Variants in RNGTT observed in about 807,000 individuals in gnomAD.
The protein encoded by RNGTT is mRNA-capping enzyme.
Under a neutral mutation model 79.3 loss-of-function variants are expected in RNGTT, and 33 were observed. The observed-to-expected ratio is 0.42, with a 90% CI of 0.32 to 0.56. The LOEUF (loss-of-function observed/expected upper bound fraction) is 0.56, where lower values mean the gene tolerates loss of function less well. Ranked by LOEUF, RNGTT falls within the 20% of genes least tolerant of loss-of-function variation. The pLI, the probability that RNGTT is intolerant of heterozygous loss-of-function variation, is 0.17. For missense variants in RNGTT, 497 were observed against 739.1 expected (o/e 0.67, Z 3.80); for synonymous variants, 222 against 235.9 (o/e 0.94, Z 0.54).
chr6:88,612,877 A>T lies in RNGTT; in HGVS notation c.1636T>A (p.Cys546Ser). ...PNAYNTAMAV[C>S]NSISNPVTKE... ...GTGACAGGGTTTGAGATGCTGTTAC[A>T]CACAGCTGTGGACAAAGGGAGACAG... Residue 546 changes from cysteine (C) to serine (S), a missense_variant, in exon 16 of 16, where the codon TGT (cysteine) becomes AGT (serine). By Grantham distance (112) the Cys-to-Ser change is moderately radical (BLOSUM62 -1). Coordinates refer to ENST00000369485, the MANE Select transcript of RNGTT (RefSeq NM_003800.5). 6.2e-7 allele frequency: 1 copy of T among 1,613,572 alleles called. No homozygotes were observed. Among genetic ancestry groups the T allele is most frequent in the Non-Finnish European group, 8.5e-7 (1 of 1,179,772 alleles).
At chr6:88,750,379 G>A (rs1777802488) in intron 13 of RNGTT, among the ~76,000 whole-genome samples, 1 of 152,236 alleles carries the variant, frequency 6.6e-6, no homozygotes, top group African/African-American at 2.4e-5. Context: ...TAACGATCAT[G>A]TCTACAGAAC....
intron 13 of RNGTT, among the ~76,000 whole-genome samples, chr6:88,765,285 G>A (rs1778422548): frequency 6.6e-6 from 1 of 151,758 alleles, no homozygotes; most frequent in Admixed American, 6.6e-5. Context: ...ACAGCAAAGT[G>A]AGGCTTCTTC....
intron 14 of RNGTT, among the ~76,000 whole-genome samples, chr6:88,658,310 C>T (rs1162145007): frequency 6.6e-6 from 1 of 152,180 alleles, no homozygotes; most frequent in Non-Finnish European, 1.5e-5. Context: ...GCACACTAAA[C>T]AAAACAACAA....
At chr6:88,883,657 T>C (rs1041915485) in intron 8 of RNGTT, among the ~76,000 whole-genome samples, 3 of 152,160 alleles carry the variant, frequency 2.0e-5, no homozygotes, top group African/African-American at 7.2e-5. Context: ...ATTTAAAAAG[T>C]CTTCCAGATT....
chr6:88,745,308 G>A (rs763861237), intron 13 of RNGTT, among the ~76,000 whole-genome samples: 3 of 152,134 alleles, frequency 2.0e-5, no homozygotes, highest in Non-Finnish European at 2.9e-5. Flanking sequence ...CAAAAAGTGC[G>A]TAACCTCAAT....
At position 88,657,415 on chromosome 6, in the gene RNGTT, C is replaced by T. The variant is rs887735080; in HGVS notation, c.1506+20938G>A. On this transcript the variant is annotated intron_variant, in intron 14 of 15. Coordinates refer to ENST00000369485, the MANE Select transcript of RNGTT (RefSeq NM_003800.5). ...CCAGGGAAGCCATTGTTAGCCTTAT[C>T]TGAGAGAGGTCCTTGGGGAAGGCAG... 2.0e-5 allele frequency among the ~76,000 whole-genome samples: 3 copies of T among 152,326 alleles called. No individual in the cohort carries two copies. In the South Asian group the frequency reaches 6.2e-4, roughly 32 times the overall value.
At position 88,612,628 on chromosome 6, in the gene RNGTT, G is replaced by A; in HGVS notation, c.*91C>T. On this transcript the variant is annotated 3_prime_UTR_variant, in exon 16 of 16. Transcript: ENST00000369485. ...AAATGTGTATCAACATCAAGCCACA[G>A]TCGTTTTTCAATTTCTCTGGCTACA... The A allele has an allele frequency of 1.5e-6, 2 of 1,339,564 alleles. No homozygotes were observed. The highest frequency in any genetic ancestry group is 2.1e-6 in the Non-Finnish European group (2 of 967,370). 83.0% of individuals were successfully genotyped at this position (1,339,564 alleles called of 1,614,324 possible).
chr6:88,644,271 C>G (rs1319084418), intron 14 of RNGTT, among the ~76,000 whole-genome samples: 1 of 151,978 alleles, frequency 6.6e-6, no homozygotes, highest in Non-Finnish European at 1.5e-5. Flanking sequence ...ATAAATTCCT[C>G]GACACATACA....
chr6:88,817,815 A>G (rs948758913), intron 11 of RNGTT, among the ~76,000 whole-genome samples: 5 of 121,854 alleles, frequency 4.1e-5, no homozygotes, highest in African/African-American at 1.6e-4. Flanking sequence ...GTTGGAGTGC[A>G]GTGGCGCCAT....
chr6:88,886,888 T>C (rs2127931907), intron 8 of RNGTT, among the ~76,000 whole-genome samples: 1 of 152,192 alleles, frequency 6.6e-6, no homozygotes, highest in African/African-American at 2.4e-5. Flanking sequence ...TATTCTACAA[T>C]GTTTTCAAAT....
chr6:88,698,280 TTCATATATA>T lies in RNGTT; in HGVS notation c.1440-19870_1440-19862del, dbSNP rs1204987077. Among the ~76,000 whole-genome samples the T allele has an allele frequency of 3.5e-3, 403 of 114,650 alleles. 9 individuals carry two copies. The highest frequency in any genetic ancestry group is 0.016 in the African/African-American group (370 of 23,844). The allele number at this position is 114,650 out of a possible 152,430, so 75.2% of individuals were successfully genotyped here. On this transcript the variant is annotated intron_variant, in intron 13 of 15. Transcript: ENST00000369485. ...ATATAAATATATATGATATATATAT[TTCATATATA>T]TCATATATATATGAAATATATATAT...
At chr6:88,905,145 A>G (rs2127942793) in intron 5 of RNGTT, among the ~76,000 whole-genome samples, 190 bp from the exon 6 acceptor site, 1 of 152,336 alleles carries the variant, frequency 6.6e-6, no homozygotes, top group Non-Finnish European at 1.5e-5. Context: ...AGGTTTTAAT[A>G]TAAGGTATTC....
chr6:88,625,511 T>A (rs1231514572), intron 14 of RNGTT, among the ~76,000 whole-genome samples: 1 of 152,020 alleles, frequency 6.6e-6, no homozygotes, highest in Non-Finnish European at 1.5e-5. Context: ...TCCATTTACA[T>A]GACATACTGG....
chr6:88,716,106 A>C (rs9342149), intron 13 of RNGTT, among the ~76,000 whole-genome samples: 38,319 of 150,356 alleles, frequency 0.25, 8,382 homozygotes, highest in African/African-American at 0.6. Context: ...CAATGAACTC[A>C]AACAAATTTA....
chr6:88,844,626 C>A, intron 10 of RNGTT, 105 bp from the exon 11 acceptor site: 1 of 1,067,050 alleles, frequency 9.4e-7, no homozygotes, highest in South Asian at 1.6e-5. Context: ...TAAACAGCAT[C>A]CTCTGGAGTT....
At chr6:88,740,314 T>C (rs1007152089) in intron 13 of RNGTT, among the ~76,000 whole-genome samples, 1 of 151,910 alleles carries the variant, frequency 6.6e-6, no homozygotes, top group African/African-American at 2.4e-5. Flanking sequence ...AGCCCAGAAT[T>C]TGAGACCAGC....
At chr6:88,701,960 G>T (rs912525073) in intron 13 of RNGTT, among the ~76,000 whole-genome samples, 2 of 151,788 alleles carry the variant, frequency 1.3e-5, no homozygotes, top group African/African-American at 4.8e-5. Context: ...TCTCATTTAC[G>T]ATAGCCACAA....
chr6:88,770,499 C>G (rs2127842594), intron 12 of RNGTT, among the ~76,000 whole-genome samples: 1 of 152,234 alleles, frequency 6.6e-6, no homozygotes, highest in Admixed American at 6.5e-5. Flanking sequence ...TCATTGCTGA[C>G]TAGGATTCCA....
At chr6:88,669,429 T>C (rs1774543962) in intron 14 of RNGTT, among the ~76,000 whole-genome samples, 1 of 152,212 alleles carries the variant, frequency 6.6e-6, no homozygotes, top group Admixed American at 6.5e-5. Context: ...CTGGTAACTT[T>C]TGGGTCTTAA....
Sources: gnomAD v4.1 joint callset for allele counts (sites outside exome capture counted in the v4.1 genomes callset) on GRCh38, gnomAD v4.1.1 for gene constraint, MANE v1.5 for transcripts, NCBI Gene and HGNC (gene_info 2026-07-23, HGNC 2026-07-21) for gene names.